ABCA1: variants seen among roughly 807,000 people sequenced by gnomAD.
ABCA1 encodes phospholipid-transporting ATPase ABCA1.
Under a neutral mutation model 262.5 loss-of-function variants are expected in ABCA1, and 133 were observed. The observed-to-expected ratio is 0.51, with a 90% confidence interval of 0.44 to 0.59. The LOEUF (loss-of-function observed/expected upper bound fraction) is 0.59. Ranked by LOEUF, ABCA1 falls within the 20% of genes least tolerant of loss-of-function variation. ABCA1 has a pLI of 0.00. For missense variants in ABCA1, 2,452 were observed against 2,777.5 expected (o/e 0.88, Z 2.63); for synonymous variants, 1,022 against 1,043.5 (o/e 0.98, Z 0.40).
rs146131140 is a variant in ABCA1 at position 104,821,199 on chromosome 9, C to A, written c.2960+176G>T. Among the ~76,000 whole-genome samples, 9 of 152,138 alleles carry A rather than the reference C, an allele frequency of 5.9e-5. No homozygotes were observed. The South Asian group carries it at 1.9e-3, about 32-fold the overall frequency. The stretch of plus-strand genomic sequence containing the variant: ...CCAAGGTTGCAGTGAGCCGAGATCG[C>A]GCCACTACAGTCCAGCCTGGCTACA... On this transcript the variant is annotated intron_variant, in intron 20 of 49. Coordinates refer to ENST00000374736, the MANE Select transcript of ABCA1 (RefSeq NM_005502.4).
At position 104,801,498 on chromosome 9, in the gene ABCA1, G is replaced by A. The variant is rs182446481; in HGVS notation, c.4698+556C>T. Among the ~76,000 whole-genome samples, 88 of 151,474 alleles carry A rather than the reference G, an allele frequency of 5.8e-4. 2 individuals carry two copies. Among genetic ancestry groups the A allele is most frequent in the Admixed American group, 5.3e-3 (80 of 15,222 alleles). ...GCATCCCAAAATGCTGGGATAACAGGTGTAAGCCACCGCGCCCAGCCTCTG... is the reference window on the plus strand; with the variant it reads ...GCATCCCAAAATGCTGGGATAACAGATGTAAGCCACCGCGCCCAGCCTCTG... On this transcript the variant is annotated intron_variant, in intron 34 of 49. Coordinates refer to ENST00000374736, the MANE Select transcript of ABCA1 (RefSeq NM_005502.4).
chr9:104,875,580 G>C (rs1005037187), intron 5 of ABCA1, among the ~76,000 whole-genome samples: 1 of 152,038 alleles, frequency 6.6e-6, no homozygotes, highest in Non-Finnish European at 1.5e-5. Context: ...TTCATCTCCA[G>C]CACAGTGACA....
In ABCA1 at chr9:104,809,609, C is replaced by T. The variant is rs781395140; in HGVS notation, c.4176-45G>A. The T allele has an allele frequency of 7.3e-6, 11 of 1,501,832 alleles. 1 individual carries two copies. The highest frequency in any genetic ancestry group is 6.8e-5 in the South Asian group (6 of 88,496). 93.0% of individuals were successfully genotyped at this position (1,501,832 alleles called of 1,614,324 possible). On this transcript the variant is annotated intron_variant, in intron 29 of 49. Coordinates refer to ENST00000374736, the MANE Select transcript of ABCA1 (RefSeq NM_005502.4). ...AGCCAGCTTAGTAATTCATTAAAAC[C>T]AGTAATCGAGAGATAAAAATGTTTT...
chr9:104,844,727 C>T (rs141124617), intron 8 of ABCA1, among the ~76,000 whole-genome samples: 3 of 152,280 alleles, frequency 2.0e-5, no homozygotes, highest in African/African-American at 4.8e-5. Flanking sequence ...ATATCCTACA[C>T]GTTAAAGTCT....
chr9:104,849,231 C>T (rs1171947140), intron 7 of ABCA1, among the ~76,000 whole-genome samples: 2 of 152,158 alleles, frequency 1.3e-5, no homozygotes, highest in African/African-American at 4.8e-5. Context: ...GACTGTTTAA[C>T]CCAGGAATGT....
chr9:104,872,472 T>C (rs1837707080), intron 5 of ABCA1, among the ~76,000 whole-genome samples: 1 of 152,192 alleles, frequency 6.6e-6, no homozygotes, highest in South Asian at 2.1e-4. Context: ...AGACCCCGAT[T>C]CAACGTACAA....
At chr9:104,798,165 T>C (rs1310272059) in intron 37 of ABCA1, among the ~76,000 whole-genome samples, 3 of 152,214 alleles carry the variant, frequency 2.0e-5, no homozygotes, top group East Asian at 1.9e-4. Context: ...AGTTGTCACA[T>C]AGGAACTTAA....
At chr9:104,888,055 A>AGGGGTG (rs1839345117) in intron 3 of ABCA1, among the ~76,000 whole-genome samples, 1 of 123,188 alleles carries the variant, frequency 8.1e-6, no homozygotes. Context: ...ATGTTTCTTG[A>AGGGGTG]GGGGTGTGTG....
At position 104,793,201 on chromosome 9, in the gene ABCA1, A is replaced by C. The variant is rs1170155941; in HGVS notation, c.5606T>G (p.Leu1869Arg). Residue 1869 changes from leucine to arginine, a missense_variant, in exon 41 of 50, where the codon CTG becomes CGG. Transcript: ENST00000374736. ...CCTGATGAAGAATCTGTACTGGATC[A>C]GAACAGTAATGAGGAAGAACACCAC... Reference protein sequence around the residue: ...EGVVFFLITVLIQYRFFIRPR... With the variant: ...EGVVFFLITVRIQYRFFIRPR... The C allele has an allele frequency of 2.5e-6, 4 of 1,614,064 alleles. No individual in the cohort carries two copies. The highest frequency in any genetic ancestry group is 3.4e-6 in the Non-Finnish European group (4 of 1,180,030).
chr9:104,807,845 T>TATACAC (rs778336921), intron 30 of ABCA1, among the ~76,000 whole-genome samples: 31 of 48,382 alleles, frequency 6.4e-4, no homozygotes, highest in East Asian at 3.5e-3. Flanking sequence ...TATATATATA[T>TATACAC]ACACACACAC....
chr9:104,809,380 G>A, intron 30 of ABCA1, 86 bp downstream of exon 30: 1 of 1,236,716 alleles, frequency 8.1e-7, no homozygotes, highest in Non-Finnish European at 1.2e-6. Context: ...GTCACAATGT[G>A]GCATGCAGTT....
chr9:104,863,201 C>A (rs1486955680), intron 5 of ABCA1, among the ~76,000 whole-genome samples: 1 of 152,148 alleles, frequency 6.6e-6, no homozygotes, highest in Non-Finnish European at 1.5e-5. Context: ...ACCTCAATTT[C>A]TTGATCTCCA....
chr9:104,915,730 T>G (rs10991407), intron 1 of ABCA1, among the ~76,000 whole-genome samples: 16,560 of 152,100 alleles, frequency 0.11, 1,109 homozygotes, highest in African/African-American at 0.19. Context: ...TTCCCAAAAA[T>G]GGAATTATTG....
intron 1 of ABCA1, among the ~76,000 whole-genome samples, chr9:104,913,857 G>A (rs1304287110): frequency 2.0e-5 from 3 of 152,036 alleles, no homozygotes; most frequent in African/African-American, 4.8e-5. Context: ...GTGCAGTGGC[G>A]CGATCTCGGC....
At chr9:104,849,200 A>G (rs1835161948) in intron 7 of ABCA1, among the ~76,000 whole-genome samples, 1 of 152,214 alleles carries the variant, frequency 6.6e-6, no homozygotes, top group African/African-American at 2.4e-5. Flanking sequence ...AACTCCAGGC[A>G]CACAGCAGGG....
chr9:104,869,589 G>A (rs1837416070), intron 5 of ABCA1, among the ~76,000 whole-genome samples: 1 of 152,174 alleles, frequency 6.6e-6, no homozygotes, highest in African/African-American at 2.4e-5. Flanking sequence ...CACTCTCTGG[G>A]AAGACCTGGT....
chr9:104,876,345 T>C (rs948913978), intron 5 of ABCA1, among the ~76,000 whole-genome samples: 1 of 152,158 alleles, frequency 6.6e-6, no homozygotes, highest in African/African-American at 2.4e-5. Flanking sequence ...GAGGACGCCC[T>C]ATCCCGGGAA....
chr9:104,810,454 G>A (rs1485389588), intron 29 of ABCA1, among the ~76,000 whole-genome samples: 1 of 152,112 alleles, frequency 6.6e-6, no homozygotes, highest in Non-Finnish European at 1.5e-5. Flanking sequence ...TGTGCCCTGT[G>A]ACTCAGTTAC....
chr9:104,829,171 G>T, intron 14 of ABCA1, 33 bp from the exon 15 acceptor site: 1 of 1,611,650 alleles, frequency 6.2e-7, no homozygotes, highest in Non-Finnish European at 8.5e-7. Context: ...AGGGGAGAAA[G>T]AAAGACACAC....
Sources: allele counts gnomAD v4.1 joint callset (sites outside exome capture counted in the v4.1 genomes callset), GRCh38; gene constraint gnomAD v4.1.1; transcripts MANE v1.5; gene names NCBI Gene and HGNC (gene_info 2026-07-23, HGNC 2026-07-21).